Variants in SLC19A1 observed in about 807,000 individuals in gnomAD.
The protein encoded by SLC19A1 is solute carrier family 19 member 1.
SLC19A1 carries 37 observed loss-of-function variants against 35.3 expected under a neutral mutation model. The observed-to-expected ratio is 1.05, with a 90% confidence interval of 0.81 to 1.38. The LOEUF (loss-of-function observed/expected upper bound fraction) is 1.38. Ranked by LOEUF, SLC19A1 falls within the 40% of genes most tolerant of loss-of-function variation. The pLI is 0.00. For missense variants in SLC19A1, 831 were observed against 826.9 expected, an observed-to-expected ratio of 1.00 and a Z score of -0.06; for synonymous variants, 460 against 398.5, an observed-to-expected ratio of 1.15 and a Z score of -1.84.
At position 45,530,826 on chromosome 21, in the gene SLC19A1, G is replaced by A; in HGVS notation, c.1095C>T (p.Cys365=). 2 of 1,550,714 alleles carry A rather than the reference G, an allele frequency of 1.3e-6. No homozygotes were observed. The highest frequency in any genetic ancestry group is 2.4e-5 in the South Asian group (2 of 83,714). Residue 365 remains cysteine, a synonymous_variant, in exon 4 of 6, where the codon TGC becomes TGT. Coordinates refer to ENST00000311124, the MANE Select transcript of SLC19A1 (RefSeq NM_194255.4). The surrounding 1 kb of genome is among the most constrained non-coding windows in gnomAD (Gnocchi z 5.3). ...CGCGGAACAGCACGAAGGCCGCATAGCACAGCCAGATGCTGCTCGGGTGGC... is the reference window on the plus strand; with the variant it reads ...CGCGGAACAGCACGAAGGCCGCATAACACAGCCAGATGCTGCTCGGGTGGC... ...HTRHPSSIWL[C]YAAFVLFRGS... is the part of the protein sequence containing the mutation.
At position 45,534,365 on chromosome 21, in the gene SLC19A1, G is replaced by C. The variant is rs749051714; in HGVS notation, c.190-2217C>G. Among the ~76,000 whole-genome samples, 1 of 152,084 alleles carries C rather than the reference G, an allele frequency of 6.6e-6. No individual in the cohort carries two copies. Among genetic ancestry groups the C allele is most frequent in the South Asian group, 2.1e-4 (1 of 4,824 alleles). ...TCCTCCTAGGACCTCAGGGACCCCCGACCCCCAGACACAGGAGGCTGCGTG... is the reference window on the plus strand; with the variant it reads ...TCCTCCTAGGACCTCAGGGACCCCCCACCCCCAGACACAGGAGGCTGCGTG... On this transcript the variant is annotated intron_variant, in intron 2 of 5. Coordinates refer to ENST00000311124, the MANE Select transcript of SLC19A1 (RefSeq NM_194255.4). The surrounding 1 kb of genome is among the most constrained non-coding windows in gnomAD (Gnocchi z 4.2).
chr21:45,534,657 GCAGCCACC>G lies in SLC19A1; in HGVS notation c.190-2517_190-2510del. Reference sequence around the variant, plus strand: ...GGTCTGAGCGCAGAGCTCCCCCTTGGCAGCCACCCAGAGCCCTCCCGCTCCTCTCCCTG... The same window carrying G: ...GGTCTGAGCGCAGAGCTCCCCCTTGGCAGAGCCCTCCCGCTCCTCTCCCTG... On this transcript the variant is annotated intron_variant, in intron 2 of 5. Transcript: ENST00000311124. This position sits in a 1 kb window ranked among gnomAD's most constrained non-coding sequence, Gnocchi z 4.2. The G allele has an allele frequency of 6.7e-7, 1 of 1,490,108 alleles. No homozygotes were observed. Among genetic ancestry groups the G allele is most frequent in the Middle Eastern group, 1.7e-4 (1 of 5,788 alleles). The allele number at this position is 1,490,108 out of a possible 1,614,324, so 92.3% of individuals were successfully genotyped here.
Position 45,504,295 on chromosome 21 carries a change from C to A in SLC19A1, c.498-5683G>T, listed in dbSNP as rs2838949. ...GTCGAGCCCTATTCTATGCAGCCAG[C>A]AGCTCCCAGGCCTGGGCTCCGGAAG... On this transcript the variant is annotated intron_variant, in intron 3 of 4. Coordinates refer to the SLC19A1 transcript ENST00000417954. 0.26 allele frequency: 267,690 copies of A among 1,029,978 alleles called. 37,073 individuals carry two copies. Among genetic ancestry groups the A allele is most frequent in the African/African-American group, 0.45 (27,702 of 62,132 alleles). 63.8% of individuals were successfully genotyped at this position (1,029,978 alleles called of 1,614,324 possible).
intron 1 of SLC19A1, chr21:45,541,851 A>T (rs963120355): frequency 6.6e-6 from 1 of 152,002 alleles, no homozygotes; most frequent in Non-Finnish European, 1.5e-5. Flanking sequence ...TTTCCTCCAG[A>T]CCCGGGGGTG....
chr21:45,510,371 C>T, downstream of SLC19A1: 2 of 1,249,868 alleles, frequency 1.6e-6, no homozygotes, highest in Non-Finnish European at 2.3e-6. Flanking sequence ...CACCATGTTA[C>T]AGACACTGGC....
chr21:45,554,804 T>G (rs974683233), intron 1 of SLC19A1, among the ~76,000 whole-genome samples: 1 of 151,866 alleles, frequency 6.6e-6, no homozygotes, highest in Non-Finnish European at 1.5e-5. Flanking sequence ...AAGTGAATCT[T>G]TCTCTTACGG....
chr21:45,531,801 T>G lies in SLC19A1; in HGVS notation c.537A>C (p.Arg179=). Residue 179 remains arginine, a synonymous_variant, in exon 3 of 6, where the codon CGA becomes CGC. Transcript: ENST00000311124. ...TGTAGTTGAGCGTGGAGAAGGAGAC[T>G]CGGCCCACAGTGACCAGCAGCTGGC... ...VLGQLLVTVG[R]VSFSTLNYIS... 6.3e-7 allele frequency: 1 copy of G among 1,596,210 alleles called. No homozygotes were observed. The highest frequency in any genetic ancestry group is 8.5e-7 in the Non-Finnish European group (1 of 1,171,818).
chr21:45,516,485 G>T (rs567353637), intron 5 of SLC19A1, among the ~76,000 whole-genome samples: 116 of 152,308 alleles, frequency 7.6e-4, no homozygotes, highest in African/African-American at 2.5e-3. Flanking sequence ...ACAGCGGAAG[G>T]GTGCCCATGA....
At chr21:45,506,108 G>T (rs896326551) in intron 3 of SLC19A1, 19 of 1,272,050 alleles carry the variant, frequency 1.5e-5, no homozygotes, top group Non-Finnish European at 2.0e-5. Context: ...CAAACTTTTG[G>T]TAAAGTTTAG....
rs548175131 is a variant in SLC19A1, at chr21:45,533,798, C to G, written c.190-1650G>C. On this transcript the variant is annotated intron_variant, in intron 2 of 5. Transcript: ENST00000311124. This position sits in a 1 kb window ranked among gnomAD's most constrained non-coding sequence, Gnocchi z 4.5. ...GGGGTGCTGCGCCGAGCCACGCCGC[C>G]TCCCCGGGGGCTCTCAGCCTCGTGT... Among the ~76,000 whole-genome samples the G allele has an allele frequency of 6.6e-6, 1 of 152,224 alleles. No homozygotes were observed. Among genetic ancestry groups the G allele is most frequent in the Non-Finnish European group, 1.5e-5 (1 of 68,020 alleles).
At chr21:45,544,917 CG>C (rs921049125), upstream of SLC19A1, among the ~76,000 whole-genome samples, 101 of 152,322 alleles carry the variant, frequency 6.6e-4, no homozygotes, top group African/African-American at 2.2e-3. Flanking sequence ...TGAGACCAAC[CG>C]GCCAGTCCTC....
downstream of SLC19A1, among the ~76,000 whole-genome samples, chr21:45,508,985 G>A (rs2037412140): frequency 6.6e-6 from 1 of 152,150 alleles, no homozygotes. Context: ...CACCTCTGAG[G>A]GAGACAGAGC....
At chr21:45,554,833 T>A (rs2078526607) in intron 1 of SLC19A1, among the ~76,000 whole-genome samples, 1 of 151,830 alleles carries the variant, frequency 6.6e-6, no homozygotes. Context: ...TTTCCCATCT[T>A]ATTTGCTTTT....
rs1362275673 is a variant in SLC19A1 at position 45,507,548 on chromosome 21, T to C, written c.498-8936A>G. On this transcript the variant is annotated intron_variant, in intron 3 of 4. Coordinates refer to the SLC19A1 transcript ENST00000417954. ...AGCCGCAGGTCCTGGGTGACCCTGC[T>C]GCTTTCTTCCAGCTGGAGGCCCGGA... 2 of 1,611,636 alleles carry C rather than the reference T, an allele frequency of 1.2e-6. No individual in the cohort carries two copies. The highest frequency in any genetic ancestry group is 3.3e-5 in the Admixed American group (2 of 59,880).
At position 45,560,769 on chromosome 21, in the gene SLC19A1, CT is replaced by C. The variant is rs536956404; in HGVS notation, c.-50+1972del. Among the ~76,000 whole-genome samples, 144 of 152,360 alleles carry C rather than the reference CT, an allele frequency of 9.5e-4. 1 individual carries two copies. Among genetic ancestry groups the C allele is most frequent in the African/African-American group, 3.2e-3 (134 of 41,566 alleles). ...TGAGGAGGACGAACCCAATGCTGGG[CT>C]GAGGCCAAACAGACAAACAAGAAGA... On this transcript the variant is annotated intron_variant, in intron 1 of 5. Coordinates refer to the SLC19A1 transcript ENST00000650808.
At chr21:45,516,922 G>A (rs1378293598) in intron 5 of SLC19A1, among the ~76,000 whole-genome samples, 2 of 152,210 alleles carry the variant, frequency 1.3e-5, no homozygotes, top group African/African-American at 2.4e-5. Flanking sequence ...TGTTTTTAAA[G>A]CAAACTGAGG....
rs2037146155 is a variant in SLC19A1, at chr21:45,505,520, A to G, written c.498-6908T>C. The stretch of plus-strand genomic sequence containing the variant: ...GCCCCTCAGAGACACTCTCCCACGG[A>G]CCCCACAGGGAGATATACAGGAGGC... On this transcript the variant is annotated intron_variant, in intron 3 of 4. Transcript: ENST00000417954. 3 of 762,070 alleles carry G rather than the reference A, an allele frequency of 3.9e-6. No homozygotes were observed. In the Admixed American group the frequency reaches 6.1e-5, roughly 16 times the overall value. 47.2% of individuals were successfully genotyped at this position (762,070 alleles called of 1,614,324 possible).
At chr21:45,546,977 C>T (rs1303500038), upstream of SLC19A1, among the ~76,000 whole-genome samples, 1 of 152,176 alleles carries the variant, frequency 6.6e-6, no homozygotes, top group African/African-American at 2.4e-5. Flanking sequence ...ATGCAATTGT[C>T]AGGGCAGTAA....
downstream of SLC19A1, among the ~76,000 whole-genome samples, chr21:45,510,722 C>T (rs2037529177): frequency 6.6e-6 from 1 of 152,186 alleles, no homozygotes; most frequent in Non-Finnish European, 1.5e-5. Context: ...TTCTGGGTGC[C>T]CCGGGGAGCA....
Sources: gnomAD v4.1 joint callset for allele counts (sites outside exome capture counted in the v4.1 genomes callset) on GRCh38, gnomAD v4.1.1 for gene constraint, Gnocchi (gnomAD v3.1) non-coding constraint, MANE v1.5 for transcripts, NCBI Gene and HGNC (gene_info 2026-07-23, HGNC 2026-07-21) for gene names.